Variants in CSMD3 observed in about 807,000 individuals in gnomAD.
CSMD3 encodes CUB and sushi domain-containing protein 3.
CSMD3 carries 177 observed loss-of-function variants against 435.2 expected under a neutral mutation model. That is an observed-to-expected ratio of 0.41 (90% CI 0.36 to 0.46). The LOEUF (loss-of-function observed/expected upper bound fraction) is 0.46. Among genes scored for constraint, CSMD3 ranks in the 20% least tolerant of loss-of-function variants. The probability of loss-of-function intolerance (pLI) is 0.34; values close to 1 mark genes in which losing one functional copy is unlikely to be tolerated. For synonymous variants in CSMD3, 1,656 were observed against 1,520.5 expected, an observed-to-expected ratio of 1.09 and a Z score of -2.07; for missense variants, 4,265 against 4,504.6, an observed-to-expected ratio of 0.95 and a Z score of 1.52.
intron 5 of CSMD3, among the ~76,000 whole-genome samples, chr8:113,065,140 G>A (rs2088797239): frequency 6.6e-6 from 1 of 152,040 alleles, no homozygotes. Context: ...ACAGTGCTTT[G>A]GGCTTGCTTG....
At chr8:112,428,655 GA>G (rs1813335444) in intron 32 of CSMD3, among the ~76,000 whole-genome samples, 1 of 152,032 alleles carries the variant, frequency 6.6e-6, no homozygotes, top group Non-Finnish European at 1.5e-5. Flanking sequence ...TTCAGTGGTG[GA>G]AATTCTTTTC....
At chr8:112,902,067 A>G (rs188797936) in intron 10 of CSMD3, among the ~76,000 whole-genome samples, 1 of 151,430 alleles carries the variant, frequency 6.6e-6, no homozygotes, top group Admixed American at 6.6e-5. Context: ...GTAGAAAAGT[A>G]CTATTACCTT....
At chr8:112,308,767 C>G (rs1448850866) in intron 50 of CSMD3, among the ~76,000 whole-genome samples, 2 of 152,016 alleles carry the variant, frequency 1.3e-5, no homozygotes, top group Non-Finnish European at 2.9e-5. Flanking sequence ...ATAGATATAG[C>G]TGACTAATTT....
intron 1 of CSMD3, among the ~76,000 whole-genome samples, chr8:113,393,482 T>A (rs2133165563): frequency 6.6e-6 from 1 of 152,184 alleles, no homozygotes; most frequent in African/African-American, 2.4e-5. Context: ...GATGAACATA[T>A]TTCATGATAA....
rs575148987 is a variant in CSMD3 at position 112,392,944 on chromosome 8, C to A, written c.5810-2156G>T. Among the ~76,000 whole-genome samples the A allele has an allele frequency of 2.6e-3, 389 of 148,502 alleles. 2 individuals carry two copies. Among genetic ancestry groups the A allele is most frequent in the African/African-American group, 9.2e-3 (369 of 40,036 alleles). ...GCAGTGGTGTGATTATAGCTCACTG[C>A]AGCCTCAAATTCCTAGGCTCAAGCA... On this transcript the variant is annotated intron_variant, in intron 35 of 70. Transcript: ENST00000297405.
At chr8:112,478,984 C>T (rs1260705342) in intron 31 of CSMD3, among the ~76,000 whole-genome samples, 4 of 152,172 alleles carry the variant, frequency 2.6e-5, no homozygotes, top group African/African-American at 7.2e-5. Context: ...CCACCTCCTG[C>T]ATCCCCTCTC....
chr8:113,233,585 T>A (rs1316859197), intron 3 of CSMD3, among the ~76,000 whole-genome samples: 1 of 151,396 alleles, frequency 6.6e-6, no homozygotes, highest in Non-Finnish European at 1.5e-5. Flanking sequence ...TATAGATAAT[T>A]AAATGTAAAC....
At chr8:112,674,080 T>C (rs1212249180) in intron 16 of CSMD3, among the ~76,000 whole-genome samples, 1 of 152,118 alleles carries the variant, frequency 6.6e-6, no homozygotes, top group South Asian at 2.1e-4. Context: ...AAAACTGTTA[T>C]CTCATTCTCT....
chr8:112,745,551 C>T (rs2077408144), intron 13 of CSMD3, among the ~76,000 whole-genome samples: 1 of 151,904 alleles, frequency 6.6e-6, no homozygotes, highest in Non-Finnish European at 1.5e-5. Context: ...AGTTACCCAG[C>T]ATATTAATTT....
At chr8:113,028,673 A>G (rs1169951807) in intron 5 of CSMD3, among the ~76,000 whole-genome samples, 3 of 151,572 alleles carry the variant, frequency 2.0e-5, no homozygotes, top group African/African-American at 7.2e-5. Context: ...ACCAACCACC[A>G]TATTCCCTTC....
At chr8:112,485,260 T>C (rs1820011760) in intron 31 of CSMD3, among the ~76,000 whole-genome samples, 2 of 152,154 alleles carry the variant, frequency 1.3e-5, no homozygotes, top group East Asian at 1.9e-4. Flanking sequence ...CGCTTCTCTA[T>C]TGAAAACCTT....
chr8:112,307,474 G>A (rs1426993207), intron 50 of CSMD3, among the ~76,000 whole-genome samples: 1 of 151,994 alleles, frequency 6.6e-6, no homozygotes, highest in African/African-American at 2.4e-5. Context: ...GTAGACACGG[G>A]TTTTCGTCAT....
rs114646626 is a variant in CSMD3 at position 113,046,965 on chromosome 8, T to C, written c.918-27786A>G. 4.7e-3 allele frequency among the ~76,000 whole-genome samples: 710 copies of C among 152,312 alleles called. 5 individuals are homozygous for C. The highest frequency in any genetic ancestry group is 0.015 in the African/African-American group (620 of 41,576). ...GTTTATTCTGCGTCTCTGTTCTATC[T>C]AGCTTTTGAGCTCAGAGATGAGGCG... On this transcript the variant is annotated intron_variant, in intron 5 of 70. Coordinates refer to ENST00000297405, the MANE Select transcript of CSMD3 (RefSeq NM_198123.2).
At chr8:113,062,531 A>G (rs1375812769) in intron 5 of CSMD3, among the ~76,000 whole-genome samples, 3 of 151,910 alleles carry the variant, frequency 2.0e-5, no homozygotes, top group Admixed American at 1.3e-4. Context: ...TTCTACAATA[A>G]TTACTAATAT....
chr8:113,303,156 C>A (rs372882155), intron 2 of CSMD3, among the ~76,000 whole-genome samples: 2 of 147,012 alleles, frequency 1.4e-5, no homozygotes, highest in Admixed American at 1.4e-4. Context: ...GAACTCCCAT[C>A]CACAATTGCT....
chr8:113,063,325 G>A (rs569304090), intron 5 of CSMD3, among the ~76,000 whole-genome samples: 262 of 151,760 alleles, frequency 1.7e-3, no homozygotes, highest in African/African-American at 5.8e-3. Context: ...TATTGTCATT[G>A]CTGTGTCAAG....
chr8:113,116,492 C>A (rs1188590347), intron 4 of CSMD3, among the ~76,000 whole-genome samples: 1 of 152,134 alleles, frequency 6.6e-6, no homozygotes, highest in East Asian at 1.9e-4. Flanking sequence ...ATTACTCAGT[C>A]TCAGTATGTC....
intron 1 of CSMD3, among the ~76,000 whole-genome samples, chr8:113,360,600 G>A (rs2094267174): frequency 7.7e-6 from 1 of 129,036 alleles, no homozygotes; most frequent in East Asian, 2.3e-4. Context: ...TTGAGACGGA[G>A]TCTCGCTCTG....
chr8:113,090,116 T>C (rs1255820838), intron 5 of CSMD3, among the ~76,000 whole-genome samples: 1 of 152,112 alleles, frequency 6.6e-6, no homozygotes, highest in Non-Finnish European at 1.5e-5. Flanking sequence ...AATGATCCTA[T>C]ATGAATTGGC....
Sources: gnomAD v4.1 joint callset for allele counts (sites outside exome capture counted in the v4.1 genomes callset) on GRCh38, gnomAD v4.1.1 for gene constraint, MANE v1.5 for transcripts, NCBI Gene and HGNC (gene_info 2026-07-23, HGNC 2026-07-21) for gene names.